Variants in SRGAP1 observed in about 807,000 individuals in gnomAD.
SRGAP1 encodes the protein SLIT-ROBO Rho GTPase activating protein 1, also known as SLIT-ROBO Rho GTPase-activating protein 1.
In SRGAP1, 43 loss-of-function variants were observed where a neutral mutation model predicts 121.9. The ratio of observed to expected loss-of-function variants is 0.35; its 90% CI spans 0.28 to 0.46. SRGAP1 has a LOEUF of 0.46. SRGAP1 is among the 20% of genes least tolerant of loss of function. The pLI is 1.00. For synonymous variants in SRGAP1, 447 were observed against 485.4 expected (o/e 0.92, Z 1.04); for missense variants, 1,102 against 1,350.9 (o/e 0.82, Z 2.89).
At chr12:64,002,866 T>G (rs1253350359) in intron 3 of SRGAP1, among the ~76,000 whole-genome samples, 1 of 151,918 alleles carries the variant, frequency 6.6e-6, no homozygotes, top group Non-Finnish European at 1.5e-5. Context: ...AATATAATAT[T>G]CAGAATATCC....
At chr12:63,946,809 C>T (rs1028869368) in intron 1 of SRGAP1, among the ~76,000 whole-genome samples, 7 of 152,242 alleles carry the variant, frequency 4.6e-5, no homozygotes, top group South Asian at 2.1e-4. Flanking sequence ...TCCCAAAGTT[C>T]TGGGATTACA....
At chr12:64,034,976 G>T (rs1016973303) in intron 4 of SRGAP1, among the ~76,000 whole-genome samples, 2 of 151,528 alleles carry the variant, frequency 1.3e-5, no homozygotes, top group African/African-American at 4.9e-5. Flanking sequence ...GTTTATCATT[G>T]TAACAGTCCT....
intron 6 of SRGAP1, among the ~76,000 whole-genome samples, chr12:64,051,377 A>G (rs890358004): frequency 3.3e-5 from 5 of 152,190 alleles, no homozygotes; most frequent in African/African-American, 1.2e-4. Context: ...AACCTCTCAA[A>G]TTTATATTTT....
chr12:63,959,051 CAGA>C lies in SRGAP1; in HGVS notation c.68-24892_68-24890del, dbSNP rs562460695. ...ACAGGATGGGGTGTTTTTTCATTAC[CAGA>C]AGATGAGAGTTACTTTGCCACTTTA... On this transcript the variant is annotated intron_variant, in intron 1 of 21. Coordinates refer to ENST00000355086, the MANE Select transcript of SRGAP1 (RefSeq NM_020762.4). Among the ~76,000 whole-genome samples, 364 of 152,180 alleles carry C rather than the reference CAGA, an allele frequency of 2.4e-3. 1 individual carries two copies. The highest frequency in any genetic ancestry group is 8.3e-3 in the African/African-American group (344 of 41,518).
chr12:63,912,667 C>T (rs916258054), intron 1 of SRGAP1, among the ~76,000 whole-genome samples: 1 of 151,956 alleles, frequency 6.6e-6, no homozygotes, highest in Non-Finnish European at 1.5e-5. Flanking sequence ...GTTTGTTGCT[C>T]TGCCATTCTG....
intron 1 of SRGAP1, among the ~76,000 whole-genome samples, chr12:63,884,501 C>T (rs1900305115): frequency 6.6e-6 from 1 of 151,970 alleles, no homozygotes; most frequent in Non-Finnish European, 1.5e-5. Flanking sequence ...GTTAGTGCGC[C>T]CAGCACCTTA....
At chr12:63,886,106 G>GA (rs1411442017) in intron 1 of SRGAP1, among the ~76,000 whole-genome samples, 8 of 152,222 alleles carry the variant, frequency 5.3e-5, no homozygotes, top group African/African-American at 1.9e-4. Context: ...CGCTGCCCAG[G>GA]CTGGAGTGCA....
Position 64,154,794 on chromosome 12 carries a change from G to C in SRGAP1, c.*12122G>C, listed in dbSNP as rs2037150705. Reference sequence around the variant, plus strand: ...TTTAAAGCTATGGGACTCCCGGAAAGAGAAAGAGAAAGGAAGGTACAGAGC... The same window carrying C: ...TTTAAAGCTATGGGACTCCCGGAAACAGAAAGAGAAAGGAAGGTACAGAGC... On this transcript the variant is annotated 3_prime_UTR_variant, in exon 22 of 22. Coordinates refer to ENST00000355086, the MANE Select transcript of SRGAP1 (RefSeq NM_020762.4). The C allele has an allele frequency of 6.6e-6, 1 of 152,118 alleles. No homozygotes were observed. The highest frequency in any genetic ancestry group is 1.5e-5 in the Non-Finnish European group (1 of 68,050). The allele number at this position is 152,118 out of a possible 1,614,324, so 9.4% of individuals were successfully genotyped here. A position where few individuals can be genotyped will look rare whatever the true frequency, so the allele number is the denominator to read the frequency against.
intron 8 of SRGAP1, among the ~76,000 whole-genome samples, chr12:64,072,195 T>G (rs2035654744): frequency 6.9e-6 from 1 of 145,074 alleles, no homozygotes; most frequent in African/African-American, 2.5e-5. Flanking sequence ...ACATCTGAAA[T>G]GACACAGTGC....
intron 21 of SRGAP1, among the ~76,000 whole-genome samples, chr12:64,141,798 A>T (rs2036967373): frequency 1.3e-5 from 2 of 152,136 alleles, no homozygotes; most frequent in South Asian, 4.2e-4. Flanking sequence ...AAAAAATGTA[A>T]ATATTAGCCA....
At chr12:64,035,424 T>G (rs1050406779) in intron 4 of SRGAP1, among the ~76,000 whole-genome samples, 1 of 152,192 alleles carries the variant, frequency 6.6e-6, no homozygotes. Flanking sequence ...GGAGAGATTA[T>G]GTCTTTCATC....
intron 3 of SRGAP1, among the ~76,000 whole-genome samples, chr12:63,994,096 G>A (rs1314667085): frequency 6.6e-6 from 1 of 152,152 alleles, no homozygotes; most frequent in African/African-American, 2.4e-5. Context: ...CAGCTATAAA[G>A]TGGATATAGT....
intron 1 of SRGAP1, among the ~76,000 whole-genome samples, chr12:63,869,463 A>ATG (rs1899775141): frequency 6.8e-6 from 1 of 146,212 alleles, no homozygotes; most frequent in African/African-American, 2.5e-5. Flanking sequence ...GGCATATGGT[A>ATG]TGTATGTGTG....
In SRGAP1 at chr12:64,127,562, T is replaced by G. The variant is rs1475334768; in HGVS notation, c.2406-28T>G. 1.9e-6 allele frequency: 3 copies of G among 1,568,510 alleles called. No individual in the cohort carries two copies. In the African/African-American group the frequency reaches 4.1e-5, roughly 21 times the overall value. On this transcript the variant is annotated intron_variant, in intron 19 of 21. Coordinates refer to ENST00000355086, the MANE Select transcript of SRGAP1 (RefSeq NM_020762.4). ...TGTAAAATTTGTAAATCTAGTAAATTTTGTCTCCATTCCTCTTACTGCTTC... is the reference window on the plus strand; with the variant it reads ...TGTAAAATTTGTAAATCTAGTAAATGTTGTCTCCATTCCTCTTACTGCTTC...
At chr12:64,132,386 C>T (rs890003560) in intron 21 of SRGAP1, among the ~76,000 whole-genome samples, 3 of 152,148 alleles carry the variant, frequency 2.0e-5, no homozygotes, top group African/African-American at 7.2e-5. Context: ...TGTTGCAGAG[C>T]CTTCTCCTGT....
At chr12:64,014,825 T>A (rs1035560842) in intron 3 of SRGAP1, among the ~76,000 whole-genome samples, 1 of 152,150 alleles carries the variant, frequency 6.6e-6, no homozygotes, top group Non-Finnish European at 1.5e-5. Flanking sequence ...TTCTTTTCTT[T>A]TTCTTTTTTG....
chr12:63,883,810 C>T (rs1274028835), intron 1 of SRGAP1, among the ~76,000 whole-genome samples: 1 of 151,514 alleles, frequency 6.6e-6, no homozygotes, highest in Non-Finnish European at 1.5e-5. Context: ...AGGCGCCTGC[C>T]GCCACACCCG....
intron 18 of SRGAP1, among the ~76,000 whole-genome samples, chr12:64,125,561 A>C (rs2036673870): frequency 6.6e-6 from 1 of 152,316 alleles, no homozygotes; most frequent in East Asian, 1.9e-4. Context: ...CCATGTTATA[A>C]ATGGTATTAA....
At chr12:64,040,320 CATT>C (rs1232160817) in intron 4 of SRGAP1, among the ~76,000 whole-genome samples, 1 of 152,144 alleles carries the variant, frequency 6.6e-6, no homozygotes, top group African/African-American at 2.4e-5. Context: ...GAAAACATTG[CATT>C]ATTCTCAACT....
Sources: allele counts gnomAD v4.1 joint callset (sites outside exome capture counted in the v4.1 genomes callset), GRCh38; gene constraint gnomAD v4.1.1; transcripts MANE v1.5; gene names NCBI Gene and HGNC (gene_info 2026-07-23, HGNC 2026-07-21).